The following C3orf20 variants were observed in gnomAD, a reference collection of about 807,000 sequenced individuals.
C3orf20 encodes the protein family with sequence similarity 149 member C.
Under a neutral mutation model 88.3 loss-of-function variants are expected in C3orf20, and 76 were observed. The ratio of observed to expected loss-of-function variants is 0.86; its 90% CI spans 0.72 to 1.04. The LOEUF is 1.04. Among genes scored for constraint, C3orf20 ranks in the 50% least tolerant of loss-of-function variants. C3orf20 has a pLI of 0.00. For missense variants in C3orf20, 1,056 were observed against 1,123.3 expected (o/e 0.94, Z 0.86); for synonymous variants, 436 against 437.4 (o/e 1.00, Z 0.04).
intron 12 of C3orf20, among the ~76,000 whole-genome samples, chr3:14,742,795 G>A (rs951402925): frequency 7.2e-5 from 11 of 152,132 alleles, no homozygotes; most frequent in Non-Finnish European, 1.5e-4. Flanking sequence ...ATGTGGTGGT[G>A]GCAAGAGAAA....
At chr3:14,738,014 C>G (rs886147954) in intron 12 of C3orf20, among the ~76,000 whole-genome samples, 1 of 152,154 alleles carries the variant, frequency 6.6e-6, no homozygotes, top group Admixed American at 6.5e-5. Flanking sequence ...ACTTCTAATT[C>G]TAGCTTTGTT....
chr3:14,702,013 G>A (rs2033284922), intron 5 of C3orf20, among the ~76,000 whole-genome samples: 2 of 152,036 alleles, frequency 1.3e-5, no homozygotes, highest in Non-Finnish European at 1.5e-5. Context: ...GTGTCCCCTG[G>A]TAAACACAAT....
chr3:14,734,847 A>AT (rs2124999572), intron 12 of C3orf20, among the ~76,000 whole-genome samples: 1 of 151,974 alleles, frequency 6.6e-6, no homozygotes, highest in South Asian at 2.1e-4. Flanking sequence ...ATTTCTGTAA[A>AT]TTTTTGCTGT....
chr3:14,685,668 C>T (rs1015378606), intron 4 of C3orf20, among the ~76,000 whole-genome samples: 1 of 152,024 alleles, frequency 6.6e-6, no homozygotes, highest in Non-Finnish European at 1.5e-5. Context: ...TTCCCACTCC[C>T]CCGCTGCCAC....
intron 12 of C3orf20, among the ~76,000 whole-genome samples, chr3:14,749,053 A>G (rs1415797770): frequency 6.6e-6 from 1 of 152,186 alleles, no homozygotes; most frequent in Non-Finnish European, 1.5e-5. Context: ...ATGTTAAAGT[A>G]TCTAACTATT....
At chr3:14,722,585 C>G (rs1559420916) in intron 10 of C3orf20, 2 of 456,624 alleles carry the variant, frequency 4.4e-6, no homozygotes, top group Non-Finnish European at 8.8e-6. Context: ...CAGTCTCTCC[C>G]TCTGCTCAGC....
At chr3:14,734,907 A>G (rs2034657610) in intron 12 of C3orf20, among the ~76,000 whole-genome samples, 1 of 152,034 alleles carries the variant, frequency 6.6e-6, no homozygotes, top group Non-Finnish European at 1.5e-5. Flanking sequence ...AAAATTGTAA[A>G]CATTGTGAAT....
Position 14,714,026 on chromosome 3 carries a change from G to A in C3orf20, c.1180G>A (p.Ala394Thr), listed in dbSNP as rs751004266. 1.1e-4 allele frequency: 172 copies of A among 1,613,900 alleles called. 1 individual carries two copies. The highest frequency in any genetic ancestry group is 1.6e-4 in the Middle Eastern group (1 of 6,062). Residue 394 changes from alanine (A) to threonine (T), a missense_variant, in exon 8 of 17, where the codon GCT (alanine) becomes ACT (threonine). Coordinates refer to ENST00000253697, the MANE Select transcript of C3orf20 (RefSeq NM_032137.5). ...TGCCAGCTATCCCTCTGGAAACGTC[G>A]CTGTATGTCAGATCCCCACATGCTG... ...SFVYYPSGNV[A>T]VCQIPTCCRG...
chr3:14,724,648 C>T (rs1200656230), intron 10 of C3orf20, among the ~76,000 whole-genome samples: 1 of 152,188 alleles, frequency 6.6e-6, no homozygotes, highest in Non-Finnish European at 1.5e-5. Context: ...TAAAATTTCT[C>T]ATTAATAATT....
intron 4 of C3orf20, among the ~76,000 whole-genome samples, chr3:14,685,173 A>C (rs997807067): frequency 5.3e-5 from 8 of 152,250 alleles, no homozygotes; most frequent in African/African-American, 1.9e-4. Flanking sequence ...ACTAAAGCAT[A>C]GATATTTACA....
intron 7 of C3orf20, among the ~76,000 whole-genome samples, chr3:14,707,479 G>C (rs1479075470): frequency 6.6e-6 from 1 of 151,428 alleles, no homozygotes; most frequent in Non-Finnish European, 1.5e-5. Context: ...GTGTGTGTGT[G>C]TGTGTGTGTG....
At position 14,742,998 on chromosome 3, in the gene C3orf20, A is replaced by G. The variant is rs554676913; in HGVS notation, c.1940+14310A>G. ...GAGATTTCAGTGGAGACACAGCCAA[A>G]CCATATAATTCCACCCGTGGCCCCC... On this transcript the variant is annotated intron_variant, in intron 12 of 16. Coordinates refer to ENST00000253697, the MANE Select transcript of C3orf20 (RefSeq NM_032137.5). 1.2e-3 allele frequency among the ~76,000 whole-genome samples: 180 copies of G among 152,032 alleles called. 5 individuals are homozygous for G. Among genetic ancestry groups the G allele is most frequent in the African/African-American group, 4.2e-3 (173 of 41,300 alleles).
chr3:14,766,405 A>T (rs1048669798), intron 15 of C3orf20, among the ~76,000 whole-genome samples: 1 of 152,208 alleles, frequency 6.6e-6, no homozygotes, highest in Non-Finnish European at 1.5e-5. Context: ...GGTAGGGCTC[A>T]GGAGGCTGGA....
In C3orf20 at chr3:14,682,771, A is replaced by T; in HGVS notation, c.58A>T (p.Lys20Ter). ...LYQQYTAMAP[K>*]LLARISKLLM... ...TCAGCAATACACAGCCATGGCCCCC[A>T]AGCTACTGGCCCGCATCTCCAAACT... Residue 20 changes from lysine (K) to a stop codon, truncating the protein, a stop_gained, in exon 3 of 17, where the codon AAG (lysine) becomes TAG (stop). Transcript: ENST00000253697. LOFTEE classifies it high-confidence loss of function. 6.2e-7 allele frequency: 1 copy of T among 1,614,126 alleles called. No homozygotes were observed. Among genetic ancestry groups the T allele is most frequent in the Non-Finnish European group, 8.5e-7 (1 of 1,180,018 alleles).
chr3:14,737,722 A>G (rs1031553992), intron 12 of C3orf20, among the ~76,000 whole-genome samples: 2 of 152,224 alleles, frequency 1.3e-5, no homozygotes, highest in African/African-American at 4.8e-5. Flanking sequence ...TTTTCCTTTC[A>G]CAAAAGATTT....
chr3:14,676,405 G>T (rs2031773922), intron 1 of C3orf20, among the ~76,000 whole-genome samples: 2 of 152,124 alleles, frequency 1.3e-5, no homozygotes, highest in Non-Finnish European at 2.9e-5. Context: ...ATCTGCACAG[G>T]TTTCCATGGA....
At chr3:14,749,506 C>A (rs1439302070) in intron 12 of C3orf20, among the ~76,000 whole-genome samples, 3 of 152,108 alleles carry the variant, frequency 2.0e-5, no homozygotes. Flanking sequence ...AAATGCATCT[C>A]GTGTAGGGAG....
At position 14,768,768 on chromosome 3, in the gene C3orf20, C is replaced by G. The variant is rs2035788020; in HGVS notation, c.2496-3299C>G. On this transcript the variant is annotated intron_variant, in intron 15 of 16. Coordinates refer to ENST00000253697, the MANE Select transcript of C3orf20 (RefSeq NM_032137.5). The surrounding 1 kb of genome is among the most constrained non-coding windows in gnomAD (Gnocchi z 4.1). ...ATGGGGAGGTGGGCTCCACACCCGA[C>G]AAGGGCCTGTTCTTGTGGATGCTTT... 6.6e-6 allele frequency among the ~76,000 whole-genome samples: 1 copy of G among 152,066 alleles called. No homozygotes were observed. The highest frequency in any genetic ancestry group is 2.1e-4 in the South Asian group (1 of 4,792).
chr3:14,727,646 G>A (rs2034400160), intron 11 of C3orf20, among the ~76,000 whole-genome samples: 1 of 152,108 alleles, frequency 6.6e-6, no homozygotes, highest in Non-Finnish European at 1.5e-5. Flanking sequence ...CTGTCTCTCT[G>A]GGGAGTTTCT....
Sources: allele counts gnomAD v4.1 joint callset (sites outside exome capture counted in the v4.1 genomes callset), GRCh38; gene constraint gnomAD v4.1.1; non-coding constraint Gnocchi (gnomAD v3.1); transcripts MANE v1.5; gene names NCBI Gene and HGNC (gene_info 2026-07-23, HGNC 2026-07-21).